CHM: variants seen among roughly 807,000 people sequenced by gnomAD.
The protein encoded by CHM is rab proteins geranylgeranyltransferase component A 1.
Under a neutral mutation model 49.0 loss-of-function variants are expected in CHM, and 10 were observed. The observed-to-expected ratio is 0.20, with a 90% CI of 0.13 to 0.35. The LOEUF is 0.35. Ranked by LOEUF, CHM falls within the 10% of genes least tolerant of loss-of-function variation. The pLI, the probability that CHM is intolerant of heterozygous loss-of-function variation, is 1.00. For synonymous variants in CHM, 184 were observed against 167.5 expected (o/e 1.10, Z -0.76); for missense variants, 455 against 478.4 (o/e 0.95, Z 0.46).
At chrX:85,939,406 T>C (rs1413832824) in intron 8 of CHM, among the ~76,000 whole-genome samples, 1 of 112,576 alleles carries the variant, frequency 8.9e-6, no homozygotes, top group South Asian at 3.6e-4. Flanking sequence ...AGATATGAGA[T>C]ATTTCTTCCA....
intron 2 of CHM, among the ~76,000 whole-genome samples, chrX:86,004,802 A>G (rs1405902884): frequency 9.0e-6 from 1 of 111,556 alleles, no homozygotes; most frequent in Non-Finnish European, 1.9e-5. Context: ...AGACTCCCAC[A>G]CAATAATAAT....
intron 8 of CHM, among the ~76,000 whole-genome samples, chrX:85,932,763 A>G (rs1225922459): frequency 8.9e-6 from 1 of 111,973 alleles, no homozygotes; most frequent in Non-Finnish European, 1.9e-5. Flanking sequence ...GGAAAGAAGT[A>G]CATCATAGCA....
intron 8 of CHM, among the ~76,000 whole-genome samples, chrX:85,933,580 AT>A (rs1928561238): frequency 8.9e-6 from 1 of 112,251 alleles, no homozygotes; most frequent in South Asian, 3.7e-4. Context: ...AAAGCTAATT[AT>A]TTGTTCAATA....
chrX:85,913,332 A>AAAAAAAG (rs762266365), intron 8 of CHM, among the ~76,000 whole-genome samples: 12 of 23,403 alleles, frequency 5.1e-4, no homozygotes, highest in African/African-American at 1.5e-3. Context: ...AAAAAAAAAA[A>AAAAAAAG]AAAGAAAGAA....
Position 85,879,008 on chromosome X carries a change from T to A in CHM, c.1566A>T (p.Ser522=). 1 of 1,205,308 alleles carries A rather than the reference T, an allele frequency of 8.3e-7. No individual in the cohort carries two copies. The highest frequency in any genetic ancestry group is 1.8e-5 in the South Asian group (1 of 56,431). The stretch of plus-strand genomic sequence containing the variant: ...ATGGAACAAACAATTTCTGCACAAC[T>A]GATTCTAAATCTTCTCTTGCTGTTT... The part of the protein sequence containing the change: ...SSKTAREDLE[S]VVQKLFVPYT... The change falls in exon 13 of 15, where the codon TCA becomes TCT. Residue 522 remains serine, a synonymous_variant. Transcript: ENST00000357749.
At chrX:85,867,771 T>A (rs185534271) in intron 14 of CHM, among the ~76,000 whole-genome samples, 1 of 112,277 alleles carries the variant, frequency 8.9e-6, no homozygotes, top group East Asian at 2.8e-4. Flanking sequence ...CTATTTTCAT[T>A]ATTACTAATA....
chrX:85,948,145 G>T (rs1019119799), intron 8 of CHM, among the ~76,000 whole-genome samples: 4 of 111,932 alleles, frequency 3.6e-5, no homozygotes, highest in Non-Finnish European at 7.5e-5. Flanking sequence ...AATACCTGAC[G>T]TAGTATATAA....
At chrX:85,967,658 T>C (rs952219809) in intron 4 of CHM, among the ~76,000 whole-genome samples, 3 of 112,209 alleles carry the variant, frequency 2.7e-5, no homozygotes, top group Non-Finnish European at 3.8e-5. Context: ...TCAAAATTGA[T>C]TTCACAAATT....
chrX:86,014,128 C>T (rs1464326199), intron 2 of CHM, among the ~76,000 whole-genome samples: 1 of 111,715 alleles, frequency 9.0e-6, no homozygotes, highest in Admixed American at 9.5e-5. Flanking sequence ...ACTCAGAATA[C>T]AGCATCGAAA....
chrX:85,943,025 C>T (rs1272830129), intron 8 of CHM, among the ~76,000 whole-genome samples: 1 of 105,176 alleles, frequency 9.5e-6, no homozygotes, highest in Non-Finnish European at 1.9e-5. Context: ...GTTTTTTGTC[C>T]TTGTGATAGT....
rs771830528 is a variant in CHM at position 86,016,596 on chromosome X, C to A, written c.116+10895G>T. Among the ~76,000 whole-genome samples the A allele has an allele frequency of 2.7e-5, 3 of 112,490 alleles. No homozygotes were observed. In the South Asian group the frequency reaches 1.1e-3, roughly 41 times the overall value. ...GCTGAGCCTGCAAGTGTACAGAAGTCAAAAATTGGGGTTTAGGAACCTCCA... is the reference window on the plus strand; with the variant it reads ...GCTGAGCCTGCAAGTGTACAGAAGTAAAAAATTGGGGTTTAGGAACCTCCA... On this transcript the variant is annotated intron_variant, in intron 2 of 14. Coordinates refer to ENST00000357749, the MANE Select transcript of CHM (RefSeq NM_000390.4).
intron 5 of CHM, 43 bp from the exon 6 acceptor site, chrX:85,959,020 A>G: frequency 8.4e-7 from 1 of 1,195,359 alleles, no homozygotes; most frequent in Non-Finnish European, 1.1e-6. Context: ...TTGAAATAGT[A>G]GAAAAATTGG....
chrX:85,949,025 G>C (rs1427636618), intron 8 of CHM, among the ~76,000 whole-genome samples: 1 of 110,824 alleles, frequency 9.0e-6, no homozygotes, highest in Non-Finnish European at 1.9e-5. Flanking sequence ...CAAAGTGCTG[G>C]GATTACAGGC....
chrX:85,977,537 A>G (rs1201054785), intron 4 of CHM, among the ~76,000 whole-genome samples: 4 of 112,543 alleles, frequency 3.6e-5, no homozygotes, highest in African/African-American at 6.5e-5. Context: ...AAGTAACAAA[A>G]GTATAATACC....
At chrX:85,971,307 C>T (rs1930887516) in intron 4 of CHM, 3 of 565,728 alleles carry the variant, frequency 5.3e-6, no homozygotes, top group Admixed American at 8.8e-5. Context: ...AGAATGAAGC[C>T]GCGGACCCGC....
At chrX:86,021,000 GTA>G (rs1213398980) in intron 2 of CHM, among the ~76,000 whole-genome samples, 120 of 95,454 alleles carry the variant, frequency 1.3e-3, no homozygotes, top group Middle Eastern at 5.3e-3. Flanking sequence ...CCAGATGTGT[GTA>G]TATATATATA....
At chrX:85,943,817 T>G (rs2147642666) in intron 8 of CHM, among the ~76,000 whole-genome samples, 1 of 112,145 alleles carries the variant, frequency 8.9e-6, no homozygotes, top group South Asian at 3.7e-4. Flanking sequence ...CCTTTTTATC[T>G]TAACTTTGTT....
rs1930432952 is a variant in CHM at position 85,963,904 on chromosome X, T to C, written c.463A>G (p.Thr155Ala). ...SLSTMSCEML[T>A]EQTPSSDPEN... ...GGATCGCTGCTTGGAGTTTGTTCTG[T>C]GAGCATTTCACAGCTCATAGTGCTT... Residue 155 changes from threonine (T) to alanine (A), a missense_variant, in exon 5 of 15, where the codon ACA (threonine) becomes GCA (alanine). Coordinates refer to ENST00000357749, the MANE Select transcript of CHM (RefSeq NM_000390.4). 1 of 1,209,189 alleles carries C rather than the reference T, an allele frequency of 8.3e-7. No individual in the cohort carries two copies. Among genetic ancestry groups the C allele is most frequent in the African/African-American group, 1.8e-5 (1 of 56,893 alleles).
chrX:85,904,559 C>A (rs756520698), intron 9 of CHM, among the ~76,000 whole-genome samples: 2 of 111,768 alleles, frequency 1.8e-5, no homozygotes, highest in Non-Finnish European at 3.8e-5. Context: ...ATAAAGAAAG[C>A]AGAAATCACA....
Sources: allele counts gnomAD v4.1 joint callset (sites outside exome capture counted in the v4.1 genomes callset), GRCh38; gene constraint gnomAD v4.1.1; transcripts MANE v1.5; gene names NCBI Gene and HGNC (gene_info 2026-07-23, HGNC 2026-07-21).